The following SUGCT variants were observed in gnomAD, a reference collection of about 807,000 sequenced individuals.
SUGCT encodes the protein succinyl-CoA:glutarate-CoA transferase.
Under a neutral mutation model 55.0 loss-of-function variants are expected in SUGCT, and 41 were observed. The observed-to-expected ratio is 0.74, with a 90% CI of 0.58 to 0.97. The LOEUF (loss-of-function observed/expected upper bound fraction) is 0.97, where lower values mean the gene tolerates loss of function less well. Ranked by LOEUF, SUGCT falls within the 50% of genes least tolerant of loss-of-function variation. SUGCT has a pLI of 0.00. For missense variants in SUGCT, 568 were observed against 547.8 expected (o/e 1.04, Z -0.37); for synonymous variants, 187 against 200.4 (o/e 0.93, Z 0.56).
the SUGCT span, among the ~76,000 whole-genome samples, chr7:40,996,557 A>G: frequency 6.6e-6 from 1 of 152,166 alleles, no homozygotes; most frequent in Non-Finnish European, 1.5e-5. Flanking sequence ...CAGAATTCCA[A>G]AGCAGGGGAA....
chr7:40,157,562 T>A (rs1783959130), intron 1 of SUGCT, among the ~76,000 whole-genome samples: 1 of 152,240 alleles, frequency 6.6e-6, no homozygotes, highest in East Asian at 1.9e-4. Context: ...ATATTTTTAA[T>A]GTAAAATACT....
At chr7:40,837,008 TGTC>T (rs1793017967) in intron 13 of SUGCT, among the ~76,000 whole-genome samples, 2 of 152,174 alleles carry the variant, frequency 1.3e-5, no homozygotes, top group South Asian at 2.1e-4. Flanking sequence ...TGAAAGGAAT[TGTC>T]GTACTCTTTT....
intron 1 of SUGCT, among the ~76,000 whole-genome samples, chr7:40,147,050 C>T (rs1405634258): frequency 1.0e-5 from 1 of 98,514 alleles, no homozygotes. Flanking sequence ...CTTTCTCTCT[C>T]TTTCTTCTCT....
At chr7:40,697,561 C>T (rs534572968) in intron 12 of SUGCT, among the ~76,000 whole-genome samples, 43 of 152,254 alleles carry the variant, frequency 2.8e-4, no homozygotes, top group African/African-American at 1.0e-3. Context: ...TCACTTGAAC[C>T]CGGGAGGCGG....
chr7:40,464,997 A>G (rs973295685), intron 11 of SUGCT, among the ~76,000 whole-genome samples: 2 of 152,238 alleles, frequency 1.3e-5, no homozygotes, highest in Non-Finnish European at 2.9e-5. Flanking sequence ...GAAAAATGTT[A>G]CATATGTAAA....
rs1372979797 is a variant in SUGCT, at chr7:40,314,562, T to TTTTTTTTG, written c.721-2191_721-2190insGTTTTTTT. Among the ~76,000 whole-genome samples the TTTTTTTTG allele has an allele frequency of 3.5e-5, 5 of 142,866 alleles. No individual in the cohort carries two copies. In the East Asian group the frequency reaches 1.0e-3, roughly 29 times the overall value. 93.7% of individuals were successfully genotyped at this position (142,866 alleles called of 152,430 possible). On this transcript the variant is annotated intron_variant, in intron 8 of 13. Transcript: ENST00000335693. ...ACTCCTATTGCATCCCTTGTGTCTT[T>TTTTTTTTG]TTTTTTTTTTTTTTTTTTTAAGACA...
At chr7:40,438,697 A>T (rs1454633777) in intron 9 of SUGCT, among the ~76,000 whole-genome samples, 1 of 152,054 alleles carries the variant, frequency 6.6e-6, no homozygotes, top group African/African-American at 2.4e-5. Flanking sequence ...TACAGGAGAC[A>T]GTCCTGACTG....
the SUGCT span, among the ~76,000 whole-genome samples, chr7:40,985,462 G>A: frequency 6.6e-6 from 1 of 152,138 alleles, no homozygotes; most frequent in Admixed American, 6.5e-5. Context: ...AGGAAGAAGG[G>A]AACCACTAGG....
rs111657673 is a variant in SUGCT at position 40,795,358 on chromosome 7, A to G, written c.1153+45861A>G. Among the ~76,000 whole-genome samples the G allele has an allele frequency of 5.8e-3, 879 of 152,294 alleles. 8 individuals are homozygous for G. The highest frequency in any genetic ancestry group is 0.02 in the African/African-American group (823 of 41,580). On this transcript the variant is annotated intron_variant, in intron 13 of 13. Transcript: ENST00000335693. ...AATAGCTACTTGCAAAACTATTTCC[A>G]GTAGGACCCCATCCTCAAATTGAAA...
intron 12 of SUGCT, among the ~76,000 whole-genome samples, chr7:40,586,470 G>A (rs1337281071): frequency 6.6e-6 from 1 of 152,172 alleles, no homozygotes; most frequent in Non-Finnish European, 1.5e-5. Flanking sequence ...AATGTGAACT[G>A]TGAGTTAGAG....
At chr7:40,447,836 G>C (rs1223811565) in intron 9 of SUGCT, among the ~76,000 whole-genome samples, 1 of 152,078 alleles carries the variant, frequency 6.6e-6, no homozygotes, top group Non-Finnish European at 1.5e-5. Context: ...GAAAAAGTAG[G>C]TGGAGATACA....
intron 1 of SUGCT, among the ~76,000 whole-genome samples, chr7:40,172,060 A>G (rs910649217): frequency 6.6e-6 from 1 of 151,816 alleles, no homozygotes; most frequent in Non-Finnish European, 1.5e-5. Flanking sequence ...GAAGGACGTT[A>G]GCTTGTTGCC....
At chr7:40,722,080 T>C (rs1786368145) in intron 12 of SUGCT, among the ~76,000 whole-genome samples, 1 of 152,172 alleles carries the variant, frequency 6.6e-6, no homozygotes, top group Non-Finnish European at 1.5e-5. Flanking sequence ...ATTTTTTTTT[T>C]TTAACGTCTT....
intron 12 of SUGCT, among the ~76,000 whole-genome samples, chr7:40,621,466 A>G (rs1799261880): frequency 6.6e-6 from 1 of 152,160 alleles, no homozygotes; most frequent in Non-Finnish European, 1.5e-5. Flanking sequence ...GGGTTGGAGT[A>G]GCTACCTAAG....
At chr7:40,456,338 G>A (rs1270984984) in intron 10 of SUGCT, among the ~76,000 whole-genome samples, 2 of 152,052 alleles carry the variant, frequency 1.3e-5, no homozygotes, top group African/African-American at 4.8e-5. Flanking sequence ...CAACTAAAAA[G>A]TGATTTTAGA....
intron 6 of SUGCT, among the ~76,000 whole-genome samples, chr7:40,213,775 C>A (rs754934772): frequency 9.2e-5 from 14 of 152,224 alleles, no homozygotes; most frequent in Non-Finnish European, 2.1e-4. Flanking sequence ...AAGTTGTAGT[C>A]CAATATTATT....
the SUGCT span, among the ~76,000 whole-genome samples, chr7:40,989,469 A>G: frequency 6.6e-6 from 1 of 152,156 alleles, no homozygotes; most frequent in East Asian, 1.9e-4. Flanking sequence ...TTGCTCATCC[A>G]TAAGAAACAA....
downstream of SUGCT, among the ~76,000 whole-genome samples, chr7:40,862,109 C>T (rs771873309): frequency 7.2e-5 from 11 of 152,168 alleles, no homozygotes; most frequent in Non-Finnish European, 1.5e-4. Flanking sequence ...CAAATTTACT[C>T]ACTTACTGGG....
the SUGCT span, among the ~76,000 whole-genome samples, chr7:40,937,103 G>C: frequency 6.6e-6 from 1 of 152,112 alleles, no homozygotes; most frequent in African/African-American, 2.4e-5. Context: ...TGTCTGTTAG[G>C]TGTAGTTTAT....
Sources: gnomAD v4.1 joint callset for allele counts (sites outside exome capture counted in the v4.1 genomes callset) on GRCh38, gnomAD v4.1.1 for gene constraint, MANE v1.5 for transcripts, NCBI Gene and HGNC (gene_info 2026-07-23, HGNC 2026-07-21) for gene names.